The following UST variants were observed in gnomAD, a reference collection of about 807,000 sequenced individuals.
The protein encoded by UST is uronyl 2-sulfotransferase, also known as chondroitin sulfate 2-O-sulfotransferase.
UST carries 21 observed loss-of-function variants against 45.6 expected under a neutral mutation model. That is an observed-to-expected ratio of 0.46 (90% CI 0.33 to 0.66). UST has a LOEUF of 0.66. Among genes scored for constraint, UST ranks in the 30% least tolerant of loss-of-function variants. UST has a pLI of 0.02. For synonymous variants in UST, 215 were observed against 200.6 expected (o/e 1.07, Z -0.61); for missense variants, 463 against 512.4 (o/e 0.90, Z 0.93).
At chr6:148,764,069 A>G (rs188071169) in intron 1 of UST, among the ~76,000 whole-genome samples, 128 of 152,270 alleles carry the variant, frequency 8.4e-4, no homozygotes, top group Middle Eastern at 3.4e-3. Flanking sequence ...CATGTAATCT[A>G]TATGTTACTT....
chr6:149,012,053 T>C (rs1384677012), intron 5 of UST, among the ~76,000 whole-genome samples: 4 of 152,302 alleles, frequency 2.6e-5, no homozygotes, highest in Admixed American at 1.3e-4. Flanking sequence ...GCCACAGATA[T>C]TAAATATCCA....
At chr6:148,878,767 G>T (rs1562286795) in intron 1 of UST, among the ~76,000 whole-genome samples, 1 of 150,426 alleles carries the variant, frequency 6.6e-6, no homozygotes, top group Non-Finnish European at 1.5e-5. Flanking sequence ...GAGTGGTGGG[G>T]TCAGGTATGA....
At chr6:148,849,846 C>T (rs868426988) in intron 1 of UST, among the ~76,000 whole-genome samples, 1 of 152,040 alleles carries the variant, frequency 6.6e-6, no homozygotes, top group Non-Finnish European at 1.5e-5. Flanking sequence ...AGAGCCAAAC[C>T]GTATCAGATG....
intron 1 of UST, among the ~76,000 whole-genome samples, chr6:148,841,513 A>C (rs970737068): frequency 5.9e-5 from 9 of 151,690 alleles, no homozygotes; most frequent in Non-Finnish European, 1.2e-4. Context: ...TTACTATTTA[A>C]AAATTTCAAA....
At chr6:149,055,583 A>G (rs1289685743) in intron 7 of UST, among the ~76,000 whole-genome samples, 1 of 152,136 alleles carries the variant, frequency 6.6e-6, no homozygotes, top group African/African-American at 2.4e-5. Flanking sequence ...AAAGTGAACC[A>G]ATCCTAACGG....
intron 1 of UST, among the ~76,000 whole-genome samples, chr6:148,877,802 G>T (rs1464424202): frequency 7.3e-6 from 1 of 137,742 alleles, no homozygotes; most frequent in African/African-American, 2.8e-5. Flanking sequence ...GAGTGTGAGG[G>T]GTCATGTGTG....
chr6:149,003,102 C>G lies in UST; in HGVS notation c.682-16037C>G, dbSNP rs767084663. ...CAATGAGTGAATCATTTTGAACTAC[C>G]CTAAATTAAGAATCTCTGAAATAAA... On this transcript the variant is annotated intron_variant, in intron 5 of 7. Coordinates refer to ENST00000367463, the MANE Select transcript of UST (RefSeq NM_005715.3). Among the ~76,000 whole-genome samples, 50 of 152,022 alleles carry G rather than the reference C, an allele frequency of 3.3e-4. 1 individual carries two copies. The highest frequency in any genetic ancestry group is 2.6e-4 in the Admixed American group (4 of 15,260).
chr6:148,820,707 G>A (rs1236209434), intron 1 of UST, among the ~76,000 whole-genome samples: 2 of 151,612 alleles, frequency 1.3e-5, no homozygotes, highest in Admixed American at 6.6e-5. Flanking sequence ...AAAAAAATTA[G>A]CCAGGTGTGG....
intron 5 of UST, among the ~76,000 whole-genome samples, chr6:149,008,976 T>A (rs931883072): frequency 1.3e-5 from 2 of 152,178 alleles, no homozygotes; most frequent in Non-Finnish European, 2.9e-5. Context: ...AAAACATCCA[T>A]AGCTATTTGA....
intron 1 of UST, among the ~76,000 whole-genome samples, chr6:148,822,033 C>T (rs1011694108): frequency 3.4e-4 from 52 of 152,274 alleles, no homozygotes; most frequent in African/African-American, 1.3e-3. Flanking sequence ...CTTTTATGTT[C>T]CCTGCACTAT....
At position 148,747,634 on chromosome 6, in the gene UST, C is replaced by A. The variant is rs747967878; in HGVS notation, c.204C>A (p.Ser68Arg). ...FCLGSLLYQLSGGPPRFLLDL... is the reference protein window; with the variant it reads ...FCLGSLLYQLRGGPPRFLLDL... ...TGGGCTCCCTCCTCTATCAGCTCAG[C>A]GGGGGACCCCCTCGCTTCCTGCTCG... Residue 68 changes from serine to arginine, a missense_variant, in exon 1 of 8, where the codon AGC (serine) becomes AGA (arginine). Physicochemically the swap from Ser to Arg is moderately radical, Grantham distance 110. Transcript: ENST00000367463. 4.4e-6 allele frequency: 7 copies of A among 1,600,012 alleles called. No homozygotes were observed. Among genetic ancestry groups the A allele is most frequent in the Non-Finnish European group, 6.0e-6 (7 of 1,174,792 alleles).
intron 1 of UST, among the ~76,000 whole-genome samples, chr6:148,839,209 G>A (rs201220233): frequency 5.9e-5 from 9 of 152,140 alleles, no homozygotes; most frequent in East Asian, 5.8e-4. Flanking sequence ...GCTAAGTGCC[G>A]TGTATACAAA....
intron 2 of UST, among the ~76,000 whole-genome samples, chr6:148,887,307 C>T (rs1778930145): frequency 6.6e-6 from 1 of 152,248 alleles, no homozygotes; most frequent in African/African-American, 2.4e-5. Context: ...CTCCTGTTTG[C>T]ACCTCATTTT....
chr6:148,981,198 T>A (rs1229681927), intron 5 of UST, among the ~76,000 whole-genome samples: 1 of 152,220 alleles, frequency 6.6e-6, no homozygotes, highest in Non-Finnish European at 1.5e-5. Flanking sequence ...CCAGGTACTG[T>A]TTAGCACTAG....
At position 149,021,462 on chromosome 6, in the gene UST, C is replaced by A; in HGVS notation, c.918C>A (p.Leu306=). 1 of 1,614,130 alleles carries A rather than the reference C, an allele frequency of 6.2e-7. No homozygotes were observed. The highest frequency in any genetic ancestry group is 1.1e-5 in the South Asian group (1 of 91,060). ...RFLPHYFKGV[L]SIYKDPEHRK... ...TACCTCATTACTTCAAGGGCGTGCT[C>A]AGTATCTACAAAGACCCAGGTAACT... Residue 306 remains leucine (L), a synonymous_variant, in exon 7 of 8, where the codon CTC becomes CTA. Coordinates refer to ENST00000367463, the MANE Select transcript of UST (RefSeq NM_005715.3).
At chr6:149,066,952 G>A (rs1776740863) in intron 7 of UST, among the ~76,000 whole-genome samples, 1 of 151,978 alleles carries the variant, frequency 6.6e-6, no homozygotes, top group Admixed American at 6.6e-5. Flanking sequence ...TGCTACACAG[G>A]AGAAAATCAC....
At chr6:149,021,221 CT>C (rs2115019963) in intron 6 of UST, 102 bp from the exon 7 acceptor site, 2 of 1,298,018 alleles carry the variant, frequency 1.5e-6, no homozygotes, top group South Asian at 2.9e-5. Flanking sequence ...AGGATTTGGA[CT>C]TATGCAAGTG....
intron 1 of UST, among the ~76,000 whole-genome samples, chr6:148,853,623 G>A (rs1435232315): frequency 1.3e-5 from 2 of 152,150 alleles, no homozygotes; most frequent in African/African-American, 4.8e-5. Flanking sequence ...ACCGGCATCT[G>A]TTCTTTCTTG....
intron 4 of UST, among the ~76,000 whole-genome samples, chr6:148,954,244 G>A (rs930498149): frequency 6.6e-6 from 1 of 152,110 alleles, no homozygotes; most frequent in Non-Finnish European, 1.5e-5. Context: ...CAAATAAGAA[G>A]GCAGGAGATG....
Sources: allele counts gnomAD v4.1 joint callset (sites outside exome capture counted in the v4.1 genomes callset), GRCh38; gene constraint gnomAD v4.1.1; transcripts MANE v1.5; gene names NCBI Gene and HGNC (gene_info 2026-07-23, HGNC 2026-07-21).